The following ACOXL variants were observed in gnomAD, a reference collection of about 807,000 sequenced individuals.
The protein encoded by ACOXL is acyl-CoA oxidase like, also known as acyl-coenzyme A oxidase-like protein.
Under a neutral mutation model 71.9 loss-of-function variants are expected in ACOXL, and 70 were observed. That is an observed-to-expected ratio of 0.97 (90% CI 0.80 to 1.19). The LOEUF (loss-of-function observed/expected upper bound fraction) is 1.19, where lower values mean the gene tolerates loss of function less well. Ranked by LOEUF, ACOXL falls within the 50% of genes most tolerant of loss-of-function variation. The probability of loss-of-function intolerance (pLI) is 0.00; values close to 1 mark genes in which losing one functional copy is unlikely to be tolerated. For synonymous variants in ACOXL, 253 were observed against 281.6 expected, an observed-to-expected ratio of 0.90 and a Z score of 1.02; for missense variants, 703 against 736.3, an observed-to-expected ratio of 0.95 and a Z score of 0.52.
intron 16 of ACOXL, among the ~76,000 whole-genome samples, chr2:111,071,221 C>G (rs563968597): frequency 6.6e-6 from 1 of 152,232 alleles, no homozygotes; most frequent in Admixed American, 6.5e-5. Flanking sequence ...CTTGAATAAC[C>G]TCCTCAGGGG....
At chr2:111,019,086 T>C (rs1203399456) in intron 14 of ACOXL, among the ~76,000 whole-genome samples, 5 of 152,200 alleles carry the variant, frequency 3.3e-5, no homozygotes, top group Non-Finnish European at 7.3e-5. Flanking sequence ...AAGCAGTCAC[T>C]AAGGGCAGTC....
At chr2:111,085,115 C>T (rs1035696446) in intron 16 of ACOXL, among the ~76,000 whole-genome samples, 2 of 152,090 alleles carry the variant, frequency 1.3e-5, no homozygotes, top group African/African-American at 4.8e-5. Flanking sequence ...GACTTACATT[C>T]CCACACAATA....
At chr2:110,872,688 G>A (rs908557867) in intron 10 of ACOXL, among the ~76,000 whole-genome samples, 9 of 152,248 alleles carry the variant, frequency 5.9e-5, no homozygotes, top group South Asian at 2.1e-4. Context: ...GGGCGTGGCC[G>A]GCCGCCCTCT....
intron 16 of ACOXL, among the ~76,000 whole-genome samples, chr2:111,060,693 A>G (rs1327448528): frequency 1.3e-5 from 2 of 152,362 alleles, no homozygotes; most frequent in South Asian, 2.1e-4. Context: ...GATGACAGTG[A>G]TGCTAAAATT....
At chr2:110,775,023 G>T (rs1454560464) in intron 2 of ACOXL, among the ~76,000 whole-genome samples, 2 of 152,208 alleles carry the variant, frequency 1.3e-5, no homozygotes, top group Non-Finnish European at 2.9e-5. Flanking sequence ...CCTCACATAG[G>T]TGGTCAATGA....
rs1310947383 is a variant in ACOXL at position 110,784,766 on chromosome 2, TTGTCA to T, written c.112_116del (p.Val38ArgfsTer33). ...ACAAAGAATTTTGTCAGCCGAAGCC[TTGTCA>T]TAGGAGAAGTCCTCTCCATGGCGGA... On this transcript the variant is annotated frameshift_variant, in exon 3 of 18. Coordinates refer to ENST00000439055, the MANE Select transcript of ACOXL (RefSeq NM_001142807.4). LOFTEE classifies it high-confidence loss of function. 6.2e-7 allele frequency: 1 copy of T among 1,609,908 alleles called. No homozygotes were observed. The highest frequency in any genetic ancestry group is 2.2e-5 in the East Asian group (1 of 44,462).
At chr2:110,966,790 T>C (rs1194058686) in intron 12 of ACOXL, among the ~76,000 whole-genome samples, 1 of 152,176 alleles carries the variant, frequency 6.6e-6, no homozygotes, top group African/African-American at 2.4e-5. Context: ...CCCCACTCCC[T>C]TCCCTGACGT....
At chr2:111,050,806 G>T (rs539612912) in intron 16 of ACOXL, among the ~76,000 whole-genome samples, 2 of 152,176 alleles carry the variant, frequency 1.3e-5, no homozygotes, top group Admixed American at 6.5e-5. Context: ...TTGGGATGCC[G>T]CAGCCCCCTC....
chr2:110,989,004 A>G (rs957892775), intron 13 of ACOXL, among the ~76,000 whole-genome samples: 9 of 151,368 alleles, frequency 5.9e-5, no homozygotes, highest in Admixed American at 5.9e-4. Flanking sequence ...GTGTGTTTTG[A>G]TTGAGATAAA....
chr2:111,067,672 G>A (rs925855895), intron 16 of ACOXL, among the ~76,000 whole-genome samples: 3 of 152,202 alleles, frequency 2.0e-5, no homozygotes, highest in African/African-American at 7.2e-5. Context: ...TTGGTGCAAT[G>A]GGTGGTTGCT....
intron 2 of ACOXL, among the ~76,000 whole-genome samples, chr2:110,774,793 G>T (rs1042744245): frequency 2.6e-5 from 4 of 152,190 alleles, no homozygotes; most frequent in Admixed American, 1.3e-4. Context: ...TCCCAAAGAT[G>T]ATTTTTGCGG....
chr2:111,104,374 G>A (rs112230399), intron 17 of ACOXL, among the ~76,000 whole-genome samples: 6 of 152,252 alleles, frequency 3.9e-5, no homozygotes, highest in African/African-American at 9.6e-5. Flanking sequence ...TTGCTGGGTC[G>A]CACGGTAGGT....
chr2:110,795,322 C>T (rs1052564315), intron 5 of ACOXL, among the ~76,000 whole-genome samples: 10 of 152,088 alleles, frequency 6.6e-5, no homozygotes, highest in Non-Finnish European at 4.4e-5. Context: ...GATGTTAGTT[C>T]TCTCCAGCAG....
At chr2:110,763,509 A>G (rs1039154689) in intron 1 of ACOXL, among the ~76,000 whole-genome samples, 2 of 152,216 alleles carry the variant, frequency 1.3e-5, no homozygotes, top group African/African-American at 4.8e-5. Flanking sequence ...ACATAAATCT[A>G]TACATAGACC....
intron 12 of ACOXL, among the ~76,000 whole-genome samples, chr2:110,985,678 C>T (rs1429018604): frequency 6.6e-6 from 1 of 152,124 alleles, no homozygotes; most frequent in Admixed American, 6.5e-5. Flanking sequence ...TAAAGCACCT[C>T]TAATTTCAAG....
At chr2:110,986,590 ATCT>A (rs2062943801) in intron 12 of ACOXL, among the ~76,000 whole-genome samples, 2 of 152,240 alleles carry the variant, frequency 1.3e-5, no homozygotes, top group East Asian at 1.9e-4. Context: ...AGCCATGGAC[ATCT>A]TCTTTGAACC....
chr2:110,816,498 A>C (rs1573654979), intron 9 of ACOXL, among the ~76,000 whole-genome samples: 2 of 152,328 alleles, frequency 1.3e-5, no homozygotes, highest in Middle Eastern at 6.8e-3. Flanking sequence ...TGTGCACCCC[A>C]GGGTATTTTC....
intron 14 of ACOXL, among the ~76,000 whole-genome samples, chr2:111,012,042 A>G (rs776589607): frequency 5.9e-5 from 9 of 152,312 alleles, no homozygotes; most frequent in Non-Finnish European, 1.3e-4. Context: ...TGACAGAACC[A>G]TGGAAGAAAT....
At chr2:110,780,382 CT>C (rs1006660168) in intron 2 of ACOXL, among the ~76,000 whole-genome samples, 5 of 152,190 alleles carry the variant, frequency 3.3e-5, no homozygotes, top group African/African-American at 1.2e-4. Flanking sequence ...TTTTCAAAAA[CT>C]GTTTGGCTGT....
Sources: allele counts gnomAD v4.1 joint callset (sites outside exome capture counted in the v4.1 genomes callset), GRCh38; gene constraint gnomAD v4.1.1; transcripts MANE v1.5; gene names NCBI Gene and HGNC (gene_info 2026-07-23, HGNC 2026-07-21).